The following LHX9 variants were observed in gnomAD, a reference collection of about 807,000 sequenced individuals.
LHX9 encodes LIM homeobox 9.
In LHX9, 9 loss-of-function variants were observed where a neutral mutation model predicts 36.5. The observed-to-expected ratio is 0.25, with a 90% CI of 0.15 to 0.43. The LOEUF is 0.43. Ranked by LOEUF, LHX9 falls within the 20% of genes least tolerant of loss-of-function variation. The probability of loss-of-function intolerance (pLI) is 1.00; values close to 1 mark genes in which losing one functional copy is unlikely to be tolerated. For synonymous variants in LHX9, 211 were observed against 212.1 expected, an observed-to-expected ratio of 0.99 and a Z score of 0.04; for missense variants, 464 against 526.4, an observed-to-expected ratio of 0.88 and a Z score of 1.16.
intron 3 of LHX9, among the ~76,000 whole-genome samples, chr1:197,924,681 G>A (rs1187946984): frequency 6.6e-6 from 1 of 152,128 alleles, no homozygotes; most frequent in Non-Finnish European, 1.5e-5. Context: ...TAAGGCTCCT[G>A]GTGGTTAAAT....
chr1:197,917,089 G>GCT, upstream of LHX9: 1 of 153,792 alleles, frequency 6.5e-6, no homozygotes, highest in South Asian at 2.4e-4. Context: ...CTCTTGGAAG[G>GCT]ATGTGTGTGT....
chr1:197,917,975 C>T lies in LHX9; in HGVS notation c.152C>T (p.Ala51Val), dbSNP rs147454219. 1.5e-4 allele frequency: 241 copies of T among 1,613,500 alleles called. No homozygotes were observed. The highest frequency in any genetic ancestry group is 2.0e-4 in the Non-Finnish European group (235 of 1,179,702). ...ACTGAGGCCCGTCTGGCCAAAGGCG[C>T]CCAGCTCAACGGCCGCGACGCGGTA... ...SKTEARLAKG[A>V]QLNGRDAGMP... Residue 51 changes from alanine (A) to valine (V), a missense_variant, in exon 1 of 5, where the codon GCC becomes GTC. Ala to Val is a moderately conservative substitution (Grantham distance 64). Transcript: ENST00000367387.
chr1:197,925,621 G>A (rs746271592), intron 3 of LHX9, among the ~76,000 whole-genome samples: 13 of 152,252 alleles, frequency 8.5e-5, no homozygotes, highest in Non-Finnish European at 1.3e-4. Flanking sequence ...TAGAGATGCT[G>A]TTTCATCCAT....
rs1413699667 is a variant in LHX9, at chr1:197,917,389, A to G, written c.-435A>G. 3 of 1,307,226 alleles carry G rather than the reference A, an allele frequency of 2.3e-6. No individual in the cohort carries two copies. Among genetic ancestry groups the G allele is most frequent in the East Asian group, 1.1e-4 (2 of 18,326 alleles). The allele number at this position is 1,307,226 out of a possible 1,614,324, so 81.0% of individuals were successfully genotyped here. A position where few individuals can be genotyped will look rare whatever the true frequency, so the allele number is the denominator to read the frequency against. ...GCAGGAGCAGTCCCCAACCCAATCTACAGGCACTGGGAACTTGCAAGCAGC... is the reference window on the plus strand; with the variant it reads ...GCAGGAGCAGTCCCCAACCCAATCTGCAGGCACTGGGAACTTGCAAGCAGC... On this transcript the variant is annotated 5_prime_UTR_variant, in exon 1 of 5. Coordinates refer to ENST00000367387, the MANE Select transcript of LHX9 (RefSeq NM_020204.3).
intron 1 of LHX9, 111 bp downstream of exon 1, chr1:197,918,108 G>A (rs1659835696): frequency 1.7e-6 from 2 of 1,200,086 alleles, no homozygotes; most frequent in South Asian, 1.5e-5. Flanking sequence ...AGAGACGTCC[G>A]CTTGAGGGTG....
Position 197,917,424 on chromosome 1 carries a change from C to A in LHX9, c.-400C>A. 1 of 1,311,202 alleles carries A rather than the reference C, an allele frequency of 7.6e-7. No homozygotes were observed. Among genetic ancestry groups the A allele is most frequent in the Non-Finnish European group, 1.0e-6 (1 of 993,744 alleles). The allele number at this position is 1,311,202 out of a possible 1,614,324, so 81.2% of individuals were successfully genotyped here. A position where few individuals can be genotyped will look rare whatever the true frequency, so the allele number is the denominator to read the frequency against. ...GGAACTTGCAAGCAGCCAGGGAACGCTGAAAATAGCACGTCTTTTTCTTTC... is the reference window on the plus strand; with the variant it reads ...GGAACTTGCAAGCAGCCAGGGAACGATGAAAATAGCACGTCTTTTTCTTTC... On this transcript the variant is annotated 5_prime_UTR_variant, in exon 1 of 5. The change creates a new upstream start codon in the 5' untranslated region. Transcript: ENST00000367387.
At chr1:197,924,171 A>C (rs1194370478) in intron 3 of LHX9, among the ~76,000 whole-genome samples, 1 of 152,238 alleles carries the variant, frequency 6.6e-6, no homozygotes, top group Non-Finnish European at 1.5e-5. Flanking sequence ...ACGCGTTAAA[A>C]TGTAAAAAAA....
Position 197,929,338 on chromosome 1 carries a change from A to G in LHX9, c.*79A>G, listed in dbSNP as rs1305194683. On this transcript the variant is annotated 3_prime_UTR_variant, in exon 5 of 5. Coordinates refer to ENST00000367387, the MANE Select transcript of LHX9 (RefSeq NM_020204.3). ...TCTAATTATTATTATTTTATTATTT[A>G]CAAGACTTTTTTTTTCTTCTAACCC... 12 of 1,189,592 alleles carry G rather than the reference A, an allele frequency of 1.0e-5. No individual in the cohort carries two copies. Among genetic ancestry groups the G allele is most frequent in the Non-Finnish European group, 1.0e-6 (1 of 953,128 alleles). 73.7% of individuals were successfully genotyped at this position (1,189,592 alleles called of 1,614,324 possible). A position where few individuals can be genotyped will look rare whatever the true frequency, so the allele number is the denominator to read the frequency against.
upstream of LHX9, chr1:197,912,483 T>C (rs770161808): frequency 9.9e-6 from 16 of 1,609,330 alleles, no homozygotes; most frequent in Middle Eastern, 1.6e-4. Context: ...GGCTTTTCTC[T>C]GCCAGTGCAA....
chr1:197,915,376 G>A (rs535291659), upstream of LHX9, among the ~76,000 whole-genome samples: 1 of 152,306 alleles, frequency 6.6e-6, no homozygotes, highest in African/African-American at 2.4e-5. Flanking sequence ...CTGCCCTTTT[G>A]TGAGAGGACC....
chr1:197,915,317 C>A (rs1469003507), upstream of LHX9, among the ~76,000 whole-genome samples: 1 of 152,220 alleles, frequency 6.6e-6, no homozygotes, highest in Non-Finnish European at 1.5e-5. Flanking sequence ...TTCTCCCTCT[C>A]CTCCTCCAGC....
In LHX9 at chr1:197,921,765, A is replaced by C; in HGVS notation, c.733+106A>C. 3 of 932,094 alleles carry C rather than the reference A, an allele frequency of 3.2e-6. No homozygotes were observed. The highest frequency in any genetic ancestry group is 4.7e-6 in the Non-Finnish European group (3 of 636,454). 57.7% of individuals were successfully genotyped at this position (932,094 alleles called of 1,614,324 possible). A position where few individuals can be genotyped will look rare whatever the true frequency, so the allele number is the denominator to read the frequency against. On this transcript the variant is annotated intron_variant, in intron 3 of 4. Transcript: ENST00000367387. This position sits in a 1 kb window ranked among gnomAD's most constrained non-coding sequence, Gnocchi z 4.6. ...TTGCTGCAAGAGTGTGTTTTGCCCAATGCCTCTGTTCTCACTGCAACTCCC... is the reference window on the plus strand; with the variant it reads ...TTGCTGCAAGAGTGTGTTTTGCCCACTGCCTCTGTTCTCACTGCAACTCCC...
chr1:197,917,627 T>TC lies in LHX9; in HGVS notation c.-191dup, dbSNP rs1029550719. ...TCTCCTTCAGGGAGCCGCTGAGGCT[T>TC]CCCCCCAACTCTTCCCAGTTCTTTT... On this transcript the variant is annotated 5_prime_UTR_variant, in exon 1 of 5. Transcript: ENST00000367387. 1 of 1,507,128 alleles carries TC rather than the reference T, an allele frequency of 6.6e-7. No individual in the cohort carries two copies. The highest frequency in any genetic ancestry group is 8.9e-7 in the Non-Finnish European group (1 of 1,129,850). The allele number at this position is 1,507,128 out of a possible 1,614,324, so 93.4% of individuals were successfully genotyped here. A position where few individuals can be genotyped will look rare whatever the true frequency, so the allele number is the denominator to read the frequency against.
chr1:197,918,395 C>A, intron 1 of LHX9: 1 of 717,140 alleles, frequency 1.4e-6, no homozygotes, highest in Non-Finnish European at 2.6e-6. Context: ...GCCGAGGCGT[C>A]CGAGCCAAGC....
intron 3 of LHX9, among the ~76,000 whole-genome samples, chr1:197,924,113 G>A (rs1434615427): frequency 2.6e-5 from 4 of 152,144 alleles, no homozygotes; most frequent in Non-Finnish European, 5.9e-5. Flanking sequence ...CGAATCTGAT[G>A]CCACTTTGTT....
In LHX9 at chr1:197,935,384, T is replaced by A. The variant is rs1019773415; in HGVS notation, c.*6125T>A. ...AGGAAAGTTTTTTTCTTTTGGAACT[T>A]TCTGTTTACATTTTGCATGATCTTA... On this transcript the variant is annotated 3_prime_UTR_variant, in exon 5 of 5. Transcript: ENST00000367387. 1.3e-5 allele frequency: 2 copies of A among 152,210 alleles called. No homozygotes were observed. Among genetic ancestry groups the A allele is most frequent in the African/African-American group, 2.4e-5 (1 of 41,458 alleles). 9.4% of individuals were successfully genotyped at this position (152,210 alleles called of 1,614,324 possible). A position where few individuals can be genotyped will look rare whatever the true frequency, so the allele number is the denominator to read the frequency against.
At position 197,929,534 on chromosome 1, in the gene LHX9, A is replaced by G; in HGVS notation, c.*275A>G. On this transcript the variant is annotated 3_prime_UTR_variant, in exon 5 of 5. Transcript: ENST00000367387. ...CAGTTGGTAAGGAGAGTTTTTGAAT[A>G]ATTCTAATAAGTGCCTCTTAAAATT... The G allele has an allele frequency of 1.0e-6, 1 of 952,974 alleles. No homozygotes were observed. The highest frequency in any genetic ancestry group is 1.3e-6 in the Non-Finnish European group (1 of 796,636). 59.0% of individuals were successfully genotyped at this position (952,974 alleles called of 1,614,324 possible). A position where few individuals can be genotyped will look rare whatever the true frequency, so the allele number is the denominator to read the frequency against.
chr1:197,919,979 C>G lies in LHX9; in HGVS notation c.182C>G (p.Pro61Arg), dbSNP rs764327822. Residue 61 changes from proline to arginine, a missense_variant, in exon 2 of 5, where the codon CCC becomes CGC. Transcript: ENST00000367387. Reference sequence around the variant, plus strand: ...GGTGTGCTTTCTTTGCAGGGCATGCCCCCGCTCAGCCCGGAGAAGCCCGCC... The same window carrying G: ...GGTGTGCTTTCTTTGCAGGGCATGCGCCCGCTCAGCCCGGAGAAGCCCGCC... ...AQLNGRDAGM[P>R]PLSPEKPALC... The G allele has an allele frequency of 8.1e-6, 13 of 1,613,918 alleles. No homozygotes were observed. Among genetic ancestry groups the G allele is most frequent in the Non-Finnish European group, 1.0e-5 (12 of 1,180,036 alleles).
chr1:197,927,450 G>T, intron 3 of LHX9, 141 bp from the exon 4 acceptor site: 2 of 717,762 alleles, frequency 2.8e-6, no homozygotes, highest in Admixed American at 2.1e-5. Context: ...CTTTCTTTTT[G>T]TCTAGATACT....
Sources: allele counts gnomAD v4.1 joint callset (sites outside exome capture counted in the v4.1 genomes callset), GRCh38; gene constraint gnomAD v4.1.1; non-coding constraint Gnocchi (gnomAD v3.1); transcripts MANE v1.5; gene names NCBI Gene and HGNC (gene_info 2026-07-23, HGNC 2026-07-21).